Variants in TRAK1 observed in about 807,000 individuals in gnomAD.
TRAK1 encodes the protein trafficking kinesin-binding protein 1.
In TRAK1, 33 loss-of-function variants were observed where a neutral mutation model predicts 92.1. That is an observed-to-expected ratio of 0.36 (90% CI 0.27 to 0.48). The LOEUF (loss-of-function observed/expected upper bound fraction) is 0.48. Ranked by LOEUF, TRAK1 falls within the 20% of genes least tolerant of loss-of-function variation. The pLI is 0.99. For synonymous variants in TRAK1, 521 were observed against 517.3 expected, an observed-to-expected ratio of 1.01 and a Z score of -0.10; for missense variants, 1,123 against 1,257.9, an observed-to-expected ratio of 0.89 and a Z score of 1.62.
intron 1 of TRAK1, among the ~76,000 whole-genome samples, chr3:42,116,992 C>A (rs58618631): frequency 0.49 from 74,044 of 151,168 alleles, 18,222 homozygotes; most frequent in South Asian, 0.6. Context: ...TTAATCTGGC[C>A]CTCAGTATTC....
intron 13 of TRAK1, chr3:42,203,734 A>C: frequency 1.0e-6 from 1 of 978,674 alleles, no homozygotes; most frequent in Non-Finnish European, 1.2e-6. Flanking sequence ...TGTCCCCTCT[A>C]AGGAGCCTTC....
rs1709160125 is a variant in TRAK1, at chr3:42,212,382, G to T, written c.1963+2397G>T. 3 of 985,446 alleles carry T rather than the reference G, an allele frequency of 3.0e-6. No individual in the cohort carries two copies. In the East Asian group the frequency reaches 3.4e-4, roughly 112 times the overall value. The allele number at this position is 985,446 out of a possible 1,614,324, so 61.0% of individuals were successfully genotyped here. ...GACAGGAGGTGATGAACCTTTTTAT[G>T]TGCAGCTGGTATGATAGAAGGAAAT... is the stretch of plus-strand genomic sequence containing the variant. On this transcript the variant is annotated intron_variant, in intron 14 of 15. Transcript: ENST00000327628.
intron 14 of TRAK1, chr3:42,212,494 T>C (rs1709174830): frequency 2.0e-6 from 2 of 985,248 alleles, no homozygotes; most frequent in Non-Finnish European, 2.4e-6. Flanking sequence ...ATTTGATTAA[T>C]GTATTTAAAT....
At position 42,112,752 on chromosome 3, in the gene TRAK1, A is replaced by AAAAAG. The variant is rs1553720685; in HGVS notation, c.92-12664_92-12663insGAAAA. On this transcript the variant is annotated intron_variant, in intron 1 of 15. Coordinates refer to ENST00000327628, the MANE Select transcript of TRAK1 (RefSeq NM_001042646.3). ...CTCTGTCTCAAAAAAAAAAAAAAAAAAAAACCAACTAATTTTTTGTTTGTT... is the reference window on the plus strand; with the variant it reads ...CTCTGTCTCAAAAAAAAAAAAAAAAAAAAAGAAAACCAACTAATTTTTTGTTTGTT... 2.7e-4 allele frequency among the ~76,000 whole-genome samples: 37 copies of AAAAAG among 139,462 alleles called. 1 individual carries two copies. Among genetic ancestry groups the AAAAAG allele is most frequent in the Admixed American group, 3.7e-4 (5 of 13,620 alleles). 91.5% of individuals were successfully genotyped at this position (139,462 alleles called of 152,430 possible).
intron 5 of TRAK1, 70 bp from the exon 6 acceptor site, chr3:42,188,946 C>G: frequency 8.8e-7 from 1 of 1,138,666 alleles, no homozygotes; most frequent in Admixed American, 1.8e-5. Context: ...TTCTTTGTGT[C>G]TCCACATGGT....
At chr3:42,062,272 C>T (rs1033630069) in intron 1 of TRAK1, among the ~76,000 whole-genome samples, 3 of 152,068 alleles carry the variant, frequency 2.0e-5, no homozygotes, top group Non-Finnish European at 4.4e-5. Context: ...AAAGGAGTGC[C>T]GTATTAGCGG....
upstream of TRAK1, among the ~76,000 whole-genome samples, chr3:42,085,599 A>C (rs184319117): frequency 6.6e-6 from 1 of 152,354 alleles, no homozygotes; most frequent in East Asian, 1.9e-4. Context: ...TCAGGGCTGT[A>C]GTTTTCTTTC....
chr3:42,073,290 C>G (rs1003658371), intron 1 of TRAK1, among the ~76,000 whole-genome samples: 1 of 152,188 alleles, frequency 6.6e-6, no homozygotes, highest in Non-Finnish European at 1.5e-5. Context: ...GACTTTCTGA[C>G]TATAGTTGCT....
chr3:42,216,021 A>G (rs1868527), intron 14 of TRAK1, among the ~76,000 whole-genome samples: 110,889 of 152,088 alleles, frequency 0.73, 41,272 homozygotes, highest in East Asian at 0.99. Context: ...GGGAAGGAAA[A>G]CGCCATTAGA....
intron 14 of TRAK1, chr3:42,212,143 A>G: frequency 1.0e-6 from 1 of 985,452 alleles, no homozygotes. Context: ...TGGAGGTCCC[A>G]AGTAGCTCTA....
intron 13 of TRAK1, chr3:42,203,860 A>T (rs2149482843): frequency 1.1e-6 from 1 of 899,416 alleles, no homozygotes; most frequent in African/African-American, 1.8e-5. Flanking sequence ...TGGTATTAAA[A>T]TTAAAAAGAA....
intron 1 of TRAK1, among the ~76,000 whole-genome samples, chr3:42,059,909 T>A (rs1296961023): frequency 6.6e-6 from 1 of 151,752 alleles, no homozygotes; most frequent in African/African-American, 2.4e-5. Flanking sequence ...TAAAGTAATA[T>A]ACTTAGTGTG....
intron 2 of TRAK1, among the ~76,000 whole-genome samples, chr3:42,127,543 G>T (rs568764039): frequency 2.0e-5 from 3 of 151,352 alleles, no homozygotes; most frequent in Admixed American, 6.6e-5. Context: ...ATTTTTTTTG[G>T]AGAGATGGGG....
intron 2 of TRAK1, among the ~76,000 whole-genome samples, chr3:42,129,214 T>C (rs1170272343): frequency 6.6e-6 from 1 of 152,172 alleles, no homozygotes. Flanking sequence ...CTGGAGATGC[T>C]GTGACTCACC....
intron 1 of TRAK1, among the ~76,000 whole-genome samples, chr3:42,104,946 A>C (rs1707313601): frequency 7.2e-6 from 1 of 137,952 alleles, no homozygotes; most frequent in Non-Finnish European, 1.5e-5. Context: ...AGAAGCTAAA[A>C]ATCTTTTTTT....
chr3:42,223,824 C>A lies in TRAK1; in HGVS notation c.*87C>A. On this transcript the variant is annotated 3_prime_UTR_variant, in exon 16 of 16. Coordinates refer to ENST00000327628, the MANE Select transcript of TRAK1 (RefSeq NM_001042646.3). The surrounding 1 kb of genome is among the most constrained non-coding windows in gnomAD (Gnocchi z 6.1). ...CCCTCTCTTCCCCCCACAGTGCACT[C>A]CCTCCCTCTGCCCTTCTCTGTCCAC... is the stretch of plus-strand genomic sequence containing the variant. The A allele has an allele frequency of 7.0e-7, 1 of 1,421,624 alleles. No individual in the cohort carries two copies. Among genetic ancestry groups the A allele is most frequent in the Non-Finnish European group, 9.6e-7 (1 of 1,038,914 alleles). The allele number at this position is 1,421,624 out of a possible 1,614,324, so 88.1% of individuals were successfully genotyped here.
chr3:42,211,532 A>G (rs568019146), intron 14 of TRAK1: 4 of 985,482 alleles, frequency 4.1e-6, no homozygotes, highest in South Asian at 9.4e-5. Flanking sequence ...GTGCAGAAAC[A>G]TGATGCCTGG....
chr3:42,199,108 A>G lies in TRAK1; in HGVS notation c.1114-69A>G, dbSNP rs371778218. 7.0e-4 allele frequency: 1,103 copies of G among 1,573,654 alleles called. 13 individuals are homozygous for G. The South Asian group carries it at 9.5e-3, about 14-fold the overall frequency. On this transcript the variant is annotated intron_variant, in intron 10 of 15. Transcript: ENST00000327628. Reference sequence around the variant, plus strand: ...TACTCTCCATGGCCCACCTGGGTGCATACCTCTTTTAGAGACAGAGCATTT... The same window carrying G: ...TACTCTCCATGGCCCACCTGGGTGCGTACCTCTTTTAGAGACAGAGCATTT...
intron 2 of TRAK1, among the ~76,000 whole-genome samples, chr3:42,153,544 G>A (rs1452133809): frequency 6.6e-6 from 1 of 152,136 alleles, no homozygotes; most frequent in Admixed American, 6.5e-5. Flanking sequence ...TTGAATGTTG[G>A]GGTAGGAGGT....
Sources: gnomAD v4.1 joint callset for allele counts (sites outside exome capture counted in the v4.1 genomes callset) on GRCh38, gnomAD v4.1.1 for gene constraint, Gnocchi (gnomAD v3.1) non-coding constraint, MANE v1.5 for transcripts, NCBI Gene and HGNC (gene_info 2026-07-23, HGNC 2026-07-21) for gene names.